The following GALNT13 variants were observed in gnomAD, a reference collection of about 807,000 sequenced individuals.
GALNT13 encodes polypeptide N-acetylgalactosaminyltransferase 13.
GALNT13 carries 28 observed loss-of-function variants against 64.2 expected under a neutral mutation model. The observed-to-expected ratio is 0.44, with a 90% confidence interval of 0.32 to 0.60. The LOEUF is 0.60. GALNT13 is among the 20% of genes least tolerant of loss of function. The pLI is 0.05. For missense variants in GALNT13, 577 were observed against 669.8 expected, an observed-to-expected ratio of 0.86 and a Z score of 1.53; for synonymous variants, 214 against 224.6, an observed-to-expected ratio of 0.95 and a Z score of 0.42.
At chr2:154,381,684 C>G (rs1333032868) in intron 9 of GALNT13, among the ~76,000 whole-genome samples, 1 of 152,056 alleles carries the variant, frequency 6.6e-6, no homozygotes, top group Non-Finnish European at 1.5e-5. Context: ...ACTAGCTGTT[C>G]TGTTTCACCC....
the GALNT13 span, among the ~76,000 whole-genome samples, chr2:153,828,712 G>A: frequency 2.6e-5 from 4 of 152,142 alleles, no homozygotes; most frequent in Non-Finnish European, 5.9e-5. Context: ...TGGGCTCCTC[G>A]TTACTTATGC....
At chr2:154,149,149 T>C (rs1174781357) in intron 4 of GALNT13, among the ~76,000 whole-genome samples, 2 of 152,214 alleles carry the variant, frequency 1.3e-5, no homozygotes, top group Admixed American at 6.5e-5. Context: ...TACATATGGC[T>C]AGCCAGTTTT....
At chr2:153,244,682 G>T in the GALNT13 span, among the ~76,000 whole-genome samples, 1 of 152,202 alleles carries the variant, frequency 6.6e-6, no homozygotes, top group African/African-American at 2.4e-5. Context: ...AAATACCTTT[G>T]CAGCTAGCTT....
chr2:153,413,236 C>G, the GALNT13 span, among the ~76,000 whole-genome samples: 3 of 152,072 alleles, frequency 2.0e-5, no homozygotes, highest in Admixed American at 2.0e-4. Context: ...CTCCATTGGC[C>G]AAAACTCCCC....
the GALNT13 span, among the ~76,000 whole-genome samples, chr2:153,405,002 A>C: frequency 6.6e-6 from 1 of 152,146 alleles, no homozygotes; most frequent in Non-Finnish European, 1.5e-5. Context: ...TATCCAATTG[A>C]ATTTGGGTGC....
At chr2:153,145,490 A>G in the GALNT13 span, among the ~76,000 whole-genome samples, 1 of 151,976 alleles carries the variant, frequency 6.6e-6, no homozygotes, top group Non-Finnish European at 1.5e-5. Flanking sequence ...AATAATCCTG[A>G]AAGTTGAAGC....
chr2:153,526,841 A>T, the GALNT13 span, among the ~76,000 whole-genome samples: 1 of 152,042 alleles, frequency 6.6e-6, no homozygotes, highest in Non-Finnish European at 1.5e-5. Flanking sequence ...ATGAAAAAAG[A>T]GATTGAAATA....
chr2:153,341,982 C>G, the GALNT13 span, among the ~76,000 whole-genome samples: 1 of 152,156 alleles, frequency 6.6e-6, no homozygotes, highest in African/African-American at 2.4e-5. Flanking sequence ...CAGCAGCAGC[C>G]AGGTAATGAG....
At chr2:153,605,867 A>G in the GALNT13 span, among the ~76,000 whole-genome samples, 3 of 152,102 alleles carry the variant, frequency 2.0e-5, no homozygotes, top group East Asian at 5.8e-4. Flanking sequence ...GAGAATAGGG[A>G]GTCAAATTTG....
the GALNT13 span, among the ~76,000 whole-genome samples, chr2:153,207,693 C>A: frequency 6.6e-6 from 1 of 152,022 alleles, no homozygotes; most frequent in Non-Finnish European, 1.5e-5. Flanking sequence ...CCGTGGTGAC[C>A]AGTTATTTAT....
the GALNT13 span, among the ~76,000 whole-genome samples, chr2:153,633,400 G>T: frequency 3.3e-5 from 5 of 152,130 alleles, no homozygotes; most frequent in South Asian, 1.0e-3. Flanking sequence ...TTCCCATTCA[G>T]TTTACTCCCT....
At chr2:153,237,699 A>G in the GALNT13 span, among the ~76,000 whole-genome samples, 2 of 152,072 alleles carry the variant, frequency 1.3e-5, no homozygotes, top group South Asian at 2.1e-4. Context: ...TCTGCTGTGT[A>G]TATGTACCAT....
chr2:153,973,899 T>A (rs555689857), intron 3 of GALNT13, among the ~76,000 whole-genome samples: 1 of 152,178 alleles, frequency 6.6e-6, no homozygotes, highest in South Asian at 2.1e-4. Context: ...AGTCTGTTGA[T>A]GATGGCTATG....
At chr2:153,538,173 T>C in the GALNT13 span, among the ~76,000 whole-genome samples, 142 of 152,228 alleles carry the variant, frequency 9.3e-4, 1 homozygote, top group African/African-American at 3.2e-3. Context: ...GAGAAACTTT[T>C]TGGGAATTGG....
At position 154,338,342 on chromosome 2, in the gene GALNT13, G is replaced by GT. The variant is rs944825714; in HGVS notation, c.1156+36761dup. On this transcript the variant is annotated intron_variant, in intron 9 of 12. Transcript: ENST00000392825. ...CTTTATAGGTGAAAAGTCTTTCATT[G>GT]TTTTTTTTCCCTACTTTTTTTTCCA... Among the ~76,000 whole-genome samples the GT allele has an allele frequency of 5.2e-4, 79 of 151,686 alleles. No individual in the cohort carries two copies. In the East Asian group the frequency reaches 0.014, roughly 27 times the overall value.
intron 9 of GALNT13, among the ~76,000 whole-genome samples, chr2:154,326,603 A>G (rs2105179002): frequency 6.6e-6 from 1 of 152,266 alleles, no homozygotes; most frequent in South Asian, 2.1e-4. Context: ...CTGTCTTGTT[A>G]CATAACAATT....
At chr2:153,539,391 G>T in the GALNT13 span, among the ~76,000 whole-genome samples, 2 of 151,966 alleles carry the variant, frequency 1.3e-5, no homozygotes, top group African/African-American at 2.4e-5. Context: ...AAGCTCTTTA[G>T]TTTAATTAGA....
the GALNT13 span, among the ~76,000 whole-genome samples, chr2:153,378,723 A>G: frequency 6.6e-6 from 1 of 152,132 alleles, no homozygotes; most frequent in Non-Finnish European, 1.5e-5. Context: ...TTCCCCTTTA[A>G]ACGCTTGAAA....
At chr2:153,438,348 A>G in the GALNT13 span, among the ~76,000 whole-genome samples, 1 of 152,014 alleles carries the variant, frequency 6.6e-6, no homozygotes, top group South Asian at 2.1e-4. Context: ...CATTTTCTGT[A>G]TTTCCTGAAC....
Sources: allele counts gnomAD v4.1 joint callset (sites outside exome capture counted in the v4.1 genomes callset), GRCh38; gene constraint gnomAD v4.1.1; transcripts MANE v1.5; gene names NCBI Gene and HGNC (gene_info 2026-07-23, HGNC 2026-07-21).